DIP2A: variants seen among roughly 807,000 people sequenced by gnomAD.
The protein encoded by DIP2A is disco-interacting protein 2 homolog A.
A neutral mutation model predicts 177.4 loss-of-function variants in DIP2A; 85 were observed. The ratio of observed to expected loss-of-function variants is 0.48; its 90% CI spans 0.40 to 0.57. The LOEUF (loss-of-function observed/expected upper bound fraction) is 0.57, where lower values mean the gene tolerates loss of function less well. Among genes scored for constraint, DIP2A ranks in the 20% least tolerant of loss-of-function variants. The pLI is 0.00. For missense variants in DIP2A, 1,791 were observed against 2,100.2 expected, an observed-to-expected ratio of 0.85 and a Z score of 2.88; for synonymous variants, 886 against 881.8, an observed-to-expected ratio of 1.00 and a Z score of -0.08.
At chr21:46,547,557 T>G (rs567893856) in intron 21 of DIP2A, among the ~76,000 whole-genome samples, 15 of 152,106 alleles carry the variant, frequency 9.9e-5, no homozygotes, top group South Asian at 4.2e-4. Context: ...GAATTTTGCT[T>G]CTTCTACTCC....
chr21:46,564,945 G>A (rs1368452775), intron 35 of DIP2A, among the ~76,000 whole-genome samples: 3 of 152,246 alleles, frequency 2.0e-5, no homozygotes, highest in Admixed American at 1.3e-4. Context: ...GTCTGAGCCA[G>A]GCATGGTGAC....
chr21:46,560,770 C>A lies in DIP2A; in HGVS notation c.4018C>A (p.Leu1340Met). ...PTTVYVDMRA[L>M]RHDRVRLVER... The stretch of plus-strand genomic sequence containing the variant: ...AACCGTCTACGTGGACATGCGGGCA[C>A]TGCGCCATGACAGGTAATGCTCCCA... Residue 1340 changes from leucine to methionine, a missense_variant, in exon 33 of 38, where the codon CTG becomes ATG. Transcript: ENST00000417564. 1 of 1,607,260 alleles carries A rather than the reference C, an allele frequency of 6.2e-7. No individual in the cohort carries two copies. Among genetic ancestry groups the A allele is most frequent in the East Asian group, 2.2e-5 (1 of 44,584 alleles).
chr21:46,520,383 T>G (rs960602343), intron 8 of DIP2A, among the ~76,000 whole-genome samples: 1 of 152,236 alleles, frequency 6.6e-6, no homozygotes, highest in African/African-American at 2.4e-5. Flanking sequence ...TCAAAACAAG[T>G]TACTTCTGTC....
At chr21:46,503,811 C>G (rs761349766) in intron 5 of DIP2A, among the ~76,000 whole-genome samples, 33 of 151,952 alleles carry the variant, frequency 2.2e-4, no homozygotes, top group Non-Finnish European at 3.8e-4. Context: ...CTGCAACCTC[C>G]GCCTCCTGGG....
intron 8 of DIP2A, among the ~76,000 whole-genome samples, chr21:46,522,581 A>G (rs963149716): frequency 1.3e-5 from 2 of 152,232 alleles, no homozygotes; most frequent in Non-Finnish European, 2.9e-5. Flanking sequence ...GGCCAAGAGC[A>G]TGCTTCTCTG....
chr21:46,504,396 C>T lies in DIP2A; in HGVS notation c.691C>T (p.Leu231Phe). The T allele has an allele frequency of 6.2e-7, 1 of 1,613,920 alleles. No homozygotes were observed. Among genetic ancestry groups the T allele is most frequent in the Non-Finnish European group, 8.5e-7 (1 of 1,179,862 alleles). ...TGCCCCTCCTGATGTCACCACGGGC[C>T]TCGTGGAGCATTCGTACTTTGAGCG... is the stretch of plus-strand genomic sequence containing the variant. ...HSAPPDVTTG[L>F]VEHSYFERPQ... Residue 231 changes from leucine (L) to phenylalanine (F), a missense_variant, in exon 6 of 38, where the codon CTC becomes TTC. Physicochemically the swap from Leu to Phe is conservative, Grantham distance 22. Transcript: ENST00000417564.
intron 1 of DIP2A, 83 bp downstream of exon 1, chr21:46,459,305 C>A: frequency 8.1e-7 from 1 of 1,227,844 alleles, no homozygotes; most frequent in Non-Finnish European, 1.1e-6. Context: ...GACCCCCGCG[C>A]GGCCCCTCAC....
chr21:46,525,459 A>G (rs1325722026), intron 8 of DIP2A, among the ~76,000 whole-genome samples: 1 of 152,174 alleles, frequency 6.6e-6, no homozygotes, highest in Non-Finnish European at 1.5e-5. Context: ...TTGTCCACAC[A>G]TGGGTGGATC....
chr21:46,521,800 C>T (rs1213075758), intron 8 of DIP2A, among the ~76,000 whole-genome samples: 1 of 152,198 alleles, frequency 6.6e-6, no homozygotes, highest in Non-Finnish European at 1.5e-5. Context: ...ATTAATTTTT[C>T]ACAAACCTTC....
intron 6 of DIP2A, among the ~76,000 whole-genome samples, chr21:46,507,725 A>G (rs2058090470): frequency 9.2e-6 from 1 of 108,600 alleles, no homozygotes; most frequent in Non-Finnish European, 1.8e-5. Context: ...TTTTAAGACA[A>G]AGTCTTGCTC....
intron 8 of DIP2A, among the ~76,000 whole-genome samples, chr21:46,521,499 A>AC (rs1555894904): frequency 3.3e-5 from 5 of 151,912 alleles, no homozygotes; most frequent in African/African-American, 1.2e-4. Flanking sequence ...ATCTTTCATT[A>AC]TTTTTTTAAT....
chr21:46,546,840 G>A, intron 20 of DIP2A, 75 bp from the exon 21 acceptor site: 2 of 1,559,096 alleles, frequency 1.3e-6, no homozygotes, highest in Non-Finnish European at 1.7e-6. Context: ...CCTTCTTGGG[G>A]GGCCTGACCA....
intron 2 of DIP2A, among the ~76,000 whole-genome samples, chr21:46,485,761 T>A (rs1398896993): frequency 6.6e-6 from 1 of 151,956 alleles, no homozygotes; most frequent in East Asian, 1.9e-4. Context: ...GAGAAGATAG[T>A]TGTAACACAA....
rs780224788 is a variant in DIP2A, at chr21:46,498,544, TC to T, written c.404-35del. The stretch of plus-strand genomic sequence containing the variant: ...GGAACTCCGTCCTCCTCTTGACTCA[TC>T]CCGATATCATGCCTGTCATCGTTAT... On this transcript the variant is annotated intron_variant, in intron 4 of 37. Transcript: ENST00000417564. The surrounding 1 kb of genome is among the most constrained non-coding windows in gnomAD (Gnocchi z 4.3). 16 of 1,572,090 alleles carry T rather than the reference TC, an allele frequency of 1.0e-5. No individual in the cohort carries two copies. Among genetic ancestry groups the T allele is most frequent in the Non-Finnish European group, 1.1e-5 (13 of 1,158,310 alleles).
chr21:46,559,331 GA>G (rs1232240023), intron 32 of DIP2A, among the ~76,000 whole-genome samples: 1 of 152,192 alleles, frequency 6.6e-6, no homozygotes, highest in East Asian at 1.9e-4. Context: ...TAGCTGGAAG[GA>G]AATGGCACCT....
chr21:46,491,488 C>T (rs2057010053), intron 3 of DIP2A, among the ~76,000 whole-genome samples: 1 of 152,168 alleles, frequency 6.6e-6, no homozygotes, highest in African/African-American at 2.4e-5. Flanking sequence ...CAATTTGATA[C>T]ACATTTATAA....
intron 28 of DIP2A, chr21:46,555,402 TGGGGCTGGGCCA>T (rs146507166): frequency 0.046 from 9,815 of 213,664 alleles, 707 homozygotes; most frequent in African/African-American, 0.17. Flanking sequence ...CTGGGCTGGA[TGGGGCTGGGCCA>T]GGGCAGCTGG....
At position 46,557,741 on chromosome 21, in the gene DIP2A, G is replaced by T. The variant is rs113139129; in HGVS notation, c.3786G>T (p.Thr1262=). Residue 1262 remains threonine (T), a synonymous_variant, in exon 31 of 38, where the codon ACG becomes ACT. Transcript: ENST00000417564. The surrounding 1 kb of genome is among the most constrained non-coding windows in gnomAD (Gnocchi z 6.0). ...GCACCAAGGGCCTAGGCGCACAGACGGGTGTCCTCAGGGTGAGTGCCCAGA... is the reference window on the plus strand; with the variant it reads ...GCACCAAGGGCCTAGGCGCACAGACTGGTGTCCTCAGGGTGAGTGCCCAGA... The part of the protein sequence containing the change: ...EMCTKGLGAQ[T]GVLRMKGVNL... The T allele has an allele frequency of 4.5e-5, 73 of 1,609,528 alleles. No homozygotes were observed. In the African/African-American group the frequency reaches 6.5e-4, roughly 14 times the overall value.
intron 8 of DIP2A, among the ~76,000 whole-genome samples, chr21:46,523,765 T>C (rs1349827328): frequency 1.3e-5 from 2 of 152,194 alleles, no homozygotes; most frequent in African/African-American, 4.8e-5. Context: ...AACTATGATA[T>C]GAACCCTCAA....
Sources: allele counts gnomAD v4.1 joint callset (sites outside exome capture counted in the v4.1 genomes callset), GRCh38; gene constraint gnomAD v4.1.1; non-coding constraint Gnocchi (gnomAD v3.1); transcripts MANE v1.5; gene names NCBI Gene and HGNC (gene_info 2026-07-23, HGNC 2026-07-21).